ELF1: variants seen among roughly 807,000 people sequenced by gnomAD.
ELF1 encodes E74 like ETS transcription factor 1, also known as ETS-related transcription factor Elf-1.
ELF1 carries 24 observed loss-of-function variants against 59.9 expected under a neutral mutation model. That is an observed-to-expected ratio of 0.40 (90% confidence interval 0.29 to 0.56). The LOEUF is 0.56. Among genes scored for constraint, ELF1 ranks in the 20% least tolerant of loss-of-function variants. The pLI, the probability that ELF1 is intolerant of heterozygous loss-of-function variation, is 0.44. For missense variants in ELF1, 627 were observed against 742.2 expected (o/e 0.84, Z 1.80); for synonymous variants, 248 against 266.2 (o/e 0.93, Z 0.67).
chr13:40,933,581 T>C lies in ELF1; in HGVS notation c.1704A>G (p.Glu568=). ...KTQETKTLTQ[E]VEKKESEDHL... is the part of the protein sequence containing the mutation. ...GATCTTCAGATTCCTTTTTCTCTAC[T>C]TCCTGTGTAAGAGTTTTTGTTTCTT... The change falls in exon 9 of 9, where the codon GAA becomes GAG. Residue 568 remains glutamate, a synonymous_variant. Transcript: ENST00000239882. 6.2e-7 allele frequency: 1 copy of C among 1,614,262 alleles called. No homozygotes were observed. Among genetic ancestry groups the C allele is most frequent in the Non-Finnish European group, 8.5e-7 (1 of 1,180,050 alleles).
chr13:41,030,395 A>C (rs1341966265), intron 1 of ELF1, among the ~76,000 whole-genome samples: 1 of 152,148 alleles, frequency 6.6e-6, no homozygotes, highest in Non-Finnish European at 1.5e-5. Flanking sequence ...AACAAACAAA[A>C]AACCCTGATT....
intron 1 of ELF1, among the ~76,000 whole-genome samples, chr13:41,030,898 C>G (rs551700104): frequency 8.6e-5 from 13 of 151,848 alleles, no homozygotes; most frequent in Non-Finnish European, 1.6e-4. Flanking sequence ...TGGTGGCTCA[C>G]GCCTATAATC....
chr13:41,003,581 A>G (rs1280959920), intron 1 of ELF1, among the ~76,000 whole-genome samples: 1 of 152,218 alleles, frequency 6.6e-6, no homozygotes, highest in Admixed American at 6.5e-5. Flanking sequence ...GACGACTGCA[A>G]TTTATAACCC....
rs549891610 is a variant in ELF1, at chr13:41,003,806, T to C, written c.-229+15422A>G. Among the ~76,000 whole-genome samples, 10 of 152,330 alleles carry C rather than the reference T, an allele frequency of 6.6e-5. 1 individual carries two copies. The South Asian group carries it at 2.1e-3, about 32-fold the overall frequency. On this transcript the variant is annotated intron_variant, in intron 1 of 8. Transcript: ENST00000239882. ...TAAGCTCTTCAGCTACATTTTTTAA[T>C]GGACCAATATGTTATCTCCACTTTT...
chr13:41,053,249 GA>G (rs1593415244), intron 1 of ELF1, among the ~76,000 whole-genome samples: 1 of 152,064 alleles, frequency 6.6e-6, no homozygotes, highest in East Asian at 1.9e-4. Context: ...AGCTACTCAT[GA>G]GGCTGAGGCA....
intron 3 of ELF1, among the ~76,000 whole-genome samples, chr13:40,954,268 T>C (rs575343427): frequency 1.3e-5 from 2 of 152,314 alleles, no homozygotes; most frequent in East Asian, 3.9e-4. Context: ...CTTGGATTTG[T>C]CCCCGCTCCA....
intron 3 of ELF1, among the ~76,000 whole-genome samples, chr13:40,953,670 G>A (rs989430183): frequency 3.9e-5 from 6 of 152,158 alleles, no homozygotes; most frequent in African/African-American, 7.2e-5. Context: ...CATCTGAAGC[G>A]CCACCTAACA....
intron 3 of ELF1, among the ~76,000 whole-genome samples, chr13:40,953,752 C>T (rs944793473): frequency 6.6e-5 from 10 of 152,190 alleles, no homozygotes; most frequent in Admixed American, 2.0e-4. Context: ...CCCCGTCACC[C>T]CCACTGTGGA....
intron 2 of ELF1, among the ~76,000 whole-genome samples, chr13:40,964,879 C>G (rs116411733): frequency 6.6e-6 from 1 of 152,076 alleles, no homozygotes; most frequent in African/African-American, 2.4e-5. Flanking sequence ...GGAGTAAGGG[C>G]TCCCCTCTCC....
intron 1 of ELF1, among the ~76,000 whole-genome samples, chr13:41,039,717 T>C (rs1049376939): frequency 6.6e-6 from 1 of 152,218 alleles, no homozygotes; most frequent in African/African-American, 2.4e-5. Context: ...TGCTAAAATA[T>C]TTAAGTGAAA....
intron 1 of ELF1, among the ~76,000 whole-genome samples, chr13:41,040,651 T>C (rs904398037): frequency 6.6e-6 from 1 of 152,114 alleles, no homozygotes; most frequent in Non-Finnish European, 1.5e-5. Context: ...CATATTCCTA[T>C]GAGAATCTAA....
In ELF1 at chr13:40,931,980, T is replaced by G. The variant is rs1869437478; in HGVS notation, c.*1445A>C. ...AAGTAATGCTGATGTTCTAGTAATA[T>G]TCTCTGCACACTTATTCTTTAAGAA... On this transcript the variant is annotated 3_prime_UTR_variant, in exon 9 of 9. Transcript: ENST00000239882. 6.6e-6 allele frequency: 1 copy of G among 152,240 alleles called. No individual in the cohort carries two copies. Among genetic ancestry groups the G allele is most frequent in the African/African-American group, 2.4e-5 (1 of 41,464 alleles). 9.4% of individuals were successfully genotyped at this position (152,240 alleles called of 1,614,324 possible).
At chr13:41,018,851 C>T (rs561794978) in intron 1 of ELF1, among the ~76,000 whole-genome samples, 2 of 152,262 alleles carry the variant, frequency 1.3e-5, no homozygotes, top group African/African-American at 2.4e-5. Context: ...AGGAATAATA[C>T]GGTTTACTTA....
rs941426679 is a variant in ELF1 at position 40,990,870 on chromosome 13, T to A, written c.-228-8588A>T. ...TGTCTCAAAAAAAAAAAAAAAAAAA[T>A]GTGTTACTTTACAGTGGAGAAACAT... On this transcript the variant is annotated intron_variant, in intron 1 of 8. Coordinates refer to ENST00000239882, the MANE Select transcript of ELF1 (RefSeq NM_172373.4). Among the ~76,000 whole-genome samples, 752 of 96,972 alleles carry A rather than the reference T, an allele frequency of 7.8e-3. 6 individuals carry two copies. Among genetic ancestry groups the A allele is most frequent in the Non-Finnish European group, 0.012 (555 of 45,356 alleles). 63.6% of individuals were successfully genotyped at this position (96,972 alleles called of 152,430 possible).
intron 2 of ELF1, among the ~76,000 whole-genome samples, chr13:40,974,377 A>G (rs1445849990): frequency 6.6e-6 from 1 of 152,170 alleles, no homozygotes; most frequent in East Asian, 1.9e-4. Flanking sequence ...GTATTATTCA[A>G]TTAGTGGTTA....
chr13:40,987,703 G>A (rs1283788567), intron 1 of ELF1, among the ~76,000 whole-genome samples: 2 of 152,150 alleles, frequency 1.3e-5, no homozygotes, highest in African/African-American at 2.4e-5. Context: ...AAGCAATGAC[G>A]TGGTTGAATG....
In ELF1 at chr13:40,936,699, T is replaced by G. The variant is rs1015817868; in HGVS notation, c.1257-2671A>C. On this transcript the variant is annotated intron_variant, in intron 8 of 8. Transcript: ENST00000239882. ...TGGCGTGAACCTGGGAGGCGGAGCT[T>G]GCAGTGAGCCGAGATCGCGCCACTG... 4.5e-4 allele frequency among the ~76,000 whole-genome samples: 62 copies of G among 138,180 alleles called. 1 individual carries two copies. Among genetic ancestry groups the G allele is most frequent in the Non-Finnish European group, 3.5e-4 (23 of 65,858 alleles). The allele number at this position is 138,180 out of a possible 152,430, so 90.7% of individuals were successfully genotyped here. A position where few individuals can be genotyped will look rare whatever the true frequency, so the allele number is the denominator to read the frequency against.
At chr13:41,012,199 G>C (rs1245265777) in intron 1 of ELF1, among the ~76,000 whole-genome samples, 1 of 150,724 alleles carries the variant, frequency 6.6e-6, no homozygotes, top group African/African-American at 2.4e-5. Flanking sequence ...TGTAATCTCA[G>C]CTACTTCGGA....
At chr13:41,048,037 G>C (rs1172606671) in intron 1 of ELF1, among the ~76,000 whole-genome samples, 1 of 152,212 alleles carries the variant, frequency 6.6e-6, no homozygotes, top group African/African-American at 2.4e-5. Flanking sequence ...TGCTGTGTTA[G>C]CAATGAGCGA....
Sources: gnomAD v4.1 joint callset for allele counts (sites outside exome capture counted in the v4.1 genomes callset) on GRCh38, gnomAD v4.1.1 for gene constraint, MANE v1.5 for transcripts, NCBI Gene and HGNC (gene_info 2026-07-23, HGNC 2026-07-21) for gene names.